The following WDR37 variants were observed in gnomAD, a reference collection of about 807,000 sequenced individuals.
WDR37 encodes WD repeat domain 37.
Under a neutral mutation model 62.9 loss-of-function variants are expected in WDR37, and 19 were observed. The ratio of observed to expected loss-of-function variants is 0.30; its 90% confidence interval spans 0.21 to 0.44. The LOEUF is 0.44. WDR37 is among the 20% of genes least tolerant of loss of function. The probability of loss-of-function intolerance (pLI) is 1.00; values close to 1 mark genes in which losing one functional copy is unlikely to be tolerated. For synonymous variants in WDR37, 250 were observed against 260.9 expected, an observed-to-expected ratio of 0.96 and a Z score of 0.40; for missense variants, 474 against 657.6, an observed-to-expected ratio of 0.72 and a Z score of 3.05.
At chr10:1,061,341 T>C (rs1311215398) in intron 1 of WDR37, among the ~76,000 whole-genome samples, 1 of 152,170 alleles carries the variant, frequency 6.6e-6, no homozygotes, top group Non-Finnish European at 1.5e-5. Context: ...CTTCCCATGA[T>C]ACCAACCTGA....
intron 1 of WDR37, among the ~76,000 whole-genome samples, chr10:1,062,003 A>C (rs955849331): frequency 6.8e-6 from 1 of 148,128 alleles, no homozygotes; most frequent in Non-Finnish European, 1.5e-5. Context: ...TCTGGTCTTG[A>C]GCTTTTTTTT....
intron 6 of WDR37, among the ~76,000 whole-genome samples, chr10:1,085,868 A>G (rs1255635399): frequency 6.6e-6 from 1 of 152,252 alleles, no homozygotes; most frequent in Non-Finnish European, 1.5e-5. Flanking sequence ...GAAAGACCCA[A>G]AGATCCAAAG....
chr10:1,071,751 G>A (rs1411537623), intron 1 of WDR37, among the ~76,000 whole-genome samples: 1 of 152,028 alleles, frequency 6.6e-6, no homozygotes, highest in African/African-American at 2.4e-5. Context: ...TATTCCTATT[G>A]GACAGCATGA....
At chr10:1,095,448 G>A (rs1292698838) in intron 8 of WDR37, among the ~76,000 whole-genome samples, 1 of 152,122 alleles carries the variant, frequency 6.6e-6, no homozygotes, top group East Asian at 1.9e-4. Context: ...CTGGGATTGG[G>A]CATGATGTTG....
At chr10:1,096,696 G>A (rs989150482) in intron 9 of WDR37, 63 of 167,696 alleles carry the variant, frequency 3.8e-4, no homozygotes, top group African/African-American at 1.2e-3. Flanking sequence ...AGTACCGCGC[G>A]CAGAGCGGGG....
At chr10:1,111,278 A>G (rs184301331) in intron 11 of WDR37, among the ~76,000 whole-genome samples, 57 of 152,324 alleles carry the variant, frequency 3.7e-4, no homozygotes, top group African/African-American at 1.3e-3. Flanking sequence ...TTAACTGTCT[A>G]GTTAAGGTGA....
chr10:1,085,469 G>A (rs1470672760), intron 6 of WDR37, among the ~76,000 whole-genome samples: 1 of 152,192 alleles, frequency 6.6e-6, no homozygotes, highest in Non-Finnish European at 1.5e-5. Flanking sequence ...GGCAGAGTGT[G>A]GAAAGTGACC....
chr10:1,058,037 T>C (rs1335921421), intron 1 of WDR37, among the ~76,000 whole-genome samples: 2 of 112,238 alleles, frequency 1.8e-5, no homozygotes, highest in Non-Finnish European at 4.1e-5. Context: ...TTCGAGTCTT[T>C]CAAAATAGCT....
chr10:1,093,304 TTTA>T lies in WDR37; in HGVS notation c.605-145_605-143del, dbSNP rs576353460. ...TTGTGCCTGTGTTCTAATTCACACATTTATTTATAACTTAACTGAGTGGAGGAT... is the reference window on the plus strand; with the variant it reads ...TTGTGCCTGTGTTCTAATTCACACATTTTATAACTTAACTGAGTGGAGGAT... On this transcript the variant is annotated intron_variant, in intron 7 of 13. Transcript: ENST00000263150. The T allele has an allele frequency of 2.5e-3, 1,667 of 660,362 alleles. 1 individual carries two copies. Among genetic ancestry groups the T allele is most frequent in the Non-Finnish European group, 3.6e-3 (1,396 of 386,154 alleles). The allele number at this position is 660,362 out of a possible 1,614,324, so 40.9% of individuals were successfully genotyped here. A position where few individuals can be genotyped will look rare whatever the true frequency, so the allele number is the denominator to read the frequency against.
chr10:1,120,759 C>A (rs1416008404), intron 11 of WDR37, among the ~76,000 whole-genome samples: 1 of 152,220 alleles, frequency 6.6e-6, no homozygotes, highest in Non-Finnish European at 1.5e-5. Context: ...GAAAAGCACT[C>A]CCATCAGCGC....
At chr10:1,097,620 G>A (rs934719571) in intron 9 of WDR37, among the ~76,000 whole-genome samples, 1 of 152,228 alleles carries the variant, frequency 6.6e-6, no homozygotes, top group Non-Finnish European at 1.5e-5. Flanking sequence ...CCATGGTCCA[G>A]TGCTGTGGGG....
At position 1,105,136 on chromosome 10, in the gene WDR37, G is replaced by A. The variant is rs536695364; in HGVS notation, c.972G>A (p.Gln324=). 54 of 1,614,126 alleles carry A rather than the reference G, an allele frequency of 3.3e-5. No homozygotes were observed. The South Asian group carries it at 5.6e-4, about 17-fold the overall frequency. The part of the protein sequence containing the change: ...ELVHSLTGHD[Q]ELTHCCTHPT... ...CCATCTTGGTTACAGGGCACGACCA[G>A]GAGTTGACGCACTGCTGCACACACC... Residue 324 remains glutamine, a synonymous_variant, in exon 11 of 14, where the codon CAG becomes CAA. Coordinates refer to ENST00000263150, the MANE Select transcript of WDR37 (RefSeq NM_014023.4). This position sits in a 1 kb window ranked among gnomAD's most constrained non-coding sequence, Gnocchi z 5.3.
rs964717637 is a variant in WDR37 at position 1,130,120 on chromosome 10, G to A, written c.*776G>A. ...TAAACAGGTTTTAGATGTTTCAAAT[G>A]ACTTGTCCACTGAATGTCACTTGAC... On this transcript the variant is annotated 3_prime_UTR_variant, in exon 14 of 14. Coordinates refer to ENST00000263150, the MANE Select transcript of WDR37 (RefSeq NM_014023.4). The A allele has an allele frequency of 6.6e-6, 1 of 152,616 alleles. No individual in the cohort carries two copies. Among genetic ancestry groups the A allele is most frequent in the Non-Finnish European group, 1.5e-5 (1 of 68,040 alleles). The allele number at this position is 152,616 out of a possible 1,614,324, so 9.5% of individuals were successfully genotyped here.
At chr10:1,109,493 C>T (rs950129721) in intron 11 of WDR37, among the ~76,000 whole-genome samples, 5 of 151,996 alleles carry the variant, frequency 3.3e-5, no homozygotes, top group Admixed American at 3.3e-4. Context: ...TTGGGGATCA[C>T]CTGAGGCTGG....
rs1452893452 is a variant in WDR37, at chr10:1,079,991, G to A, written c.236-20G>A. The A allele has an allele frequency of 6.2e-7, 1 of 1,610,624 alleles. No individual in the cohort carries two copies. The highest frequency in any genetic ancestry group is 1.1e-5 in the South Asian group (1 of 90,386). On this transcript the variant is annotated intron_variant, in intron 3 of 13. Transcript: ENST00000263150. ...ACATAAAAACATACTTTAGATTTTT[G>A]AAAACTTTTTTCTTCCCAGTACGTA...
At chr10:1,086,118 A>G (rs1472150203) in intron 6 of WDR37, among the ~76,000 whole-genome samples, 168 bp from the exon 7 acceptor site, 2 of 152,254 alleles carry the variant, frequency 1.3e-5, no homozygotes, top group Admixed American at 6.5e-5. Flanking sequence ...CCATTTGGGA[A>G]ATGTTTTCTT....
intron 1 of WDR37, among the ~76,000 whole-genome samples, chr10:1,059,727 G>T (rs1266802018): frequency 6.6e-6 from 1 of 152,036 alleles, no homozygotes; most frequent in African/African-American, 2.4e-5. Flanking sequence ...AACCCGGGAG[G>T]TGGAGGTTGC....
At chr10:1,061,931 G>A (rs1167867958) in intron 1 of WDR37, among the ~76,000 whole-genome samples, 1 of 151,996 alleles carries the variant, frequency 6.6e-6, no homozygotes, top group East Asian at 1.9e-4. Context: ...CCATCCCTAG[G>A]ATATCTTACT....
chr10:1,101,845 C>T (rs2131658385), intron 9 of WDR37, among the ~76,000 whole-genome samples: 1 of 152,316 alleles, frequency 6.6e-6, no homozygotes, highest in African/African-American at 2.4e-5. Context: ...CTCAGTAATT[C>T]TGTGTGAAAT....
Sources: gnomAD v4.1 joint callset for allele counts (sites outside exome capture counted in the v4.1 genomes callset) on GRCh38, gnomAD v4.1.1 for gene constraint, Gnocchi (gnomAD v3.1) non-coding constraint, MANE v1.5 for transcripts, NCBI Gene and HGNC (gene_info 2026-07-23, HGNC 2026-07-21) for gene names.